The following OMD variants were observed in gnomAD, a reference collection of about 807,000 sequenced individuals.
The protein encoded by OMD is osteomodulin, also known as KSPG osteomodulin.
Under a neutral mutation model 31.2 loss-of-function variants are expected in OMD, and 19 were observed. The observed-to-expected ratio is 0.61, with a 90% CI of 0.42 to 0.89. The LOEUF is 0.89. Among genes scored for constraint, OMD ranks in the 40% least tolerant of loss-of-function variants. The probability of loss-of-function intolerance (pLI) is 0.00; values close to 1 mark genes in which losing one functional copy is unlikely to be tolerated. For synonymous variants in OMD, 155 were observed against 166.4 expected (o/e 0.93, Z 0.53); for missense variants, 448 against 490.8 (o/e 0.91, Z 0.82).
Position 92,416,878 on chromosome 9 carries a change from C to G in OMD, c.681G>C (p.Met227Ile). ...LNLCSNRLES[M>I]PPGLPSSLMY... ...TAAGTGAAGAAGGCAAACCAGGAGGCATTGATTCTAATCTGTTACTGCAGA... is the reference window on the plus strand; with the variant it reads ...TAAGTGAAGAAGGCAAACCAGGAGGGATTGATTCTAATCTGTTACTGCAGA... The change falls in exon 2 of 3, where the codon ATG becomes ATC. Residue 227 changes from methionine (M) to isoleucine (I), a missense_variant. Physicochemically the swap from Met to Ile is conservative, Grantham distance 10 (BLOSUM62 1). Transcript: ENST00000375550. The G allele has an allele frequency of 6.2e-7, 1 of 1,613,960 alleles. No individual in the cohort carries two copies. The highest frequency in any genetic ancestry group is 8.5e-7 in the Non-Finnish European group (1 of 1,179,930).
At position 92,424,322 on chromosome 9, in the gene OMD, A is replaced by G. The variant is rs540965436; in HGVS notation, c.-137T>C. The G allele has an allele frequency of 2.0e-5, 3 of 152,346 alleles. No homozygotes were observed. Among genetic ancestry groups the G allele is most frequent in the East Asian group, 3.9e-4 (2 of 5,194 alleles). 9.4% of individuals were successfully genotyped at this position (152,346 alleles called of 1,614,324 possible). ...ATCCACAGTAACTCTGTGTCCAGAC[A>G]GGGCTGTCTCTTGAATTACTGTAGC... On this transcript the variant is annotated 5_prime_UTR_variant, in exon 1 of 3. Transcript: ENST00000375550.
chr9:92,417,559 CTT>C lies in OMD; in HGVS notation c.-3_-2del. Reference sequence around the variant, plus strand: ...CATATATTGGACTTAAAAAACCCATCTTCTTTTTTTTTTTCCTATTGCAAGGA... The same window carrying C: ...CATATATTGGACTTAAAAAACCCATCCTTTTTTTTTTTCCTATTGCAAGGA... On this transcript the variant is annotated 5_prime_UTR_variant, in exon 2 of 3. Transcript: ENST00000375550. The C allele has an allele frequency of 6.5e-7, 1 of 1,544,156 alleles. No individual in the cohort carries two copies. Among genetic ancestry groups the C allele is most frequent in the Middle Eastern group, 1.7e-4 (1 of 5,776 alleles).
chr9:92,422,082 G>A (rs1005236995), intron 1 of OMD, among the ~76,000 whole-genome samples: 3 of 149,948 alleles, frequency 2.0e-5, no homozygotes, highest in Admixed American at 6.7e-5. Context: ...CAAGAGTCTC[G>A]TGCTGTCACC....
At position 92,415,262 on chromosome 9, in the gene OMD, C is replaced by T; in HGVS notation, c.1156G>A (p.Asp386Asn). 1 of 1,613,754 alleles carries T rather than the reference C, an allele frequency of 6.2e-7. No individual in the cohort carries two copies. Among genetic ancestry groups the T allele is most frequent in the Non-Finnish European group, 8.5e-7 (1 of 1,179,788 alleles). Reference protein sequence around the residue: ...KTQVFRRFPDDDDESEDHDDP... With the variant: ...KTQVFRRFPDNDDESEDHDDP... ...TCGTGATCTTCACTTTCATCATCAT[C>T]ATCTGGAAATCTCCTGAAAACTTGT... The change falls in exon 3 of 3, where the codon GAT (aspartate) becomes AAT (asparagine). Residue 386 changes from aspartate to asparagine, a missense_variant. By Grantham distance (23) the Asp-to-Asn change is conservative. Coordinates refer to ENST00000375550, the MANE Select transcript of OMD (RefSeq NM_005014.3).
intron 1 of OMD, among the ~76,000 whole-genome samples, chr9:92,418,312 C>T (rs1376249269): frequency 6.6e-6 from 1 of 151,858 alleles, no homozygotes; most frequent in Non-Finnish European, 1.5e-5. Context: ...GTCTCTAACT[C>T]CTGACCTCAG....
At chr9:92,421,187 G>A (rs550977459) in intron 1 of OMD, among the ~76,000 whole-genome samples, 3 of 152,036 alleles carry the variant, frequency 2.0e-5, no homozygotes, top group Non-Finnish European at 2.9e-5. Context: ...TTACAGATGC[G>A]TGCCACCACA....
intron 1 of OMD, among the ~76,000 whole-genome samples, chr9:92,420,763 T>C (rs1328630500): frequency 6.6e-6 from 1 of 152,228 alleles, no homozygotes; most frequent in Non-Finnish European, 1.5e-5. Context: ...TTTTGTTTTT[T>C]TTTTAACAAT....
In OMD at chr9:92,413,061, C is replaced by T. The variant is rs149441046; in HGVS notation, c.*2091G>A. 1.3e-3 allele frequency among the ~76,000 whole-genome samples: 197 copies of T among 148,436 alleles called. No homozygotes were observed. The highest frequency in any genetic ancestry group is 4.6e-3 in the African/African-American group (186 of 40,104). On this transcript the variant is annotated 3_prime_UTR_variant, in exon 3 of 3. Coordinates refer to ENST00000375550, the MANE Select transcript of OMD (RefSeq NM_005014.3). The stretch of plus-strand genomic sequence containing the variant: ...GTGCAATGGCATGGTCTTGGCTCAC[C>T]GCAACTTCTGCCTCTTGGGTTTAGG...
rs1438942728 is a variant in OMD at position 92,412,793 on chromosome 9, A to G, written c.*2359T>C. On this transcript the variant is annotated 3_prime_UTR_variant, in exon 3 of 3. Transcript: ENST00000375550. ...GGTTTCTACCTTTGGATATGGCTGAATAATATTCCATGAAATGGATATACC... is the reference window on the plus strand; with the variant it reads ...GGTTTCTACCTTTGGATATGGCTGAGTAATATTCCATGAAATGGATATACC... Among the ~76,000 whole-genome samples, 1 of 152,174 alleles carries G rather than the reference A, an allele frequency of 6.6e-6. No homozygotes were observed. Among genetic ancestry groups the G allele is most frequent in the Admixed American group, 6.5e-5 (1 of 15,276 alleles).
At chr9:92,415,634 TAAAA>T (rs1205606949) in intron 2 of OMD, among the ~76,000 whole-genome samples, 157 bp from the exon 3 acceptor site, 3 of 150,752 alleles carry the variant, frequency 2.0e-5, no homozygotes, top group Non-Finnish European at 3.0e-5. Flanking sequence ...AATCAAATAA[TAAAA>T]AGAAAATTAA....
At chr9:92,419,576 G>T (rs956711415) in intron 1 of OMD, among the ~76,000 whole-genome samples, 1 of 152,048 alleles carries the variant, frequency 6.6e-6, no homozygotes, top group South Asian at 2.1e-4. Context: ...TGGGATTACG[G>T]GCGTGAGCCA....
At chr9:92,420,759 T>A (rs1843766866) in intron 1 of OMD, among the ~76,000 whole-genome samples, 1 of 151,482 alleles carries the variant, frequency 6.6e-6, no homozygotes, top group African/African-American at 2.4e-5. Flanking sequence ...TTGTTTTTGT[T>A]TTTTTTTTAA....
chr9:92,421,839 T>C (rs1588119294), intron 1 of OMD, among the ~76,000 whole-genome samples: 1 of 152,082 alleles, frequency 6.6e-6, no homozygotes, highest in East Asian at 1.9e-4. Context: ...CAGAGGGTAA[T>C]ATCCTTTATA....
Position 92,416,913 on chromosome 9 carries a change from G to T in OMD, c.646C>A (p.Gln216Lys). The change falls in exon 2 of 3, where the codon CAG becomes AAG. Residue 216 changes from glutamine (Q) to lysine (K), a missense_variant. Transcript: ENST00000375550. Reference protein sequence around the residue: ...KIFAKMEKLMQLNLCSNRLES... With the variant: ...KIFAKMEKLMKLNLCSNRLES... Reference sequence around the variant, plus strand: ...AATCTGTTACTGCAGAGGTTGAGCTGCATTAGTTTTTCCATTTTGGCAAAG... The same window carrying T: ...AATCTGTTACTGCAGAGGTTGAGCTTCATTAGTTTTTCCATTTTGGCAAAG... 1 of 1,613,998 alleles carries T rather than the reference G, an allele frequency of 6.2e-7. No individual in the cohort carries two copies. Among genetic ancestry groups the T allele is most frequent in the Non-Finnish European group, 8.5e-7 (1 of 1,179,976 alleles).
chr9:92,416,056 G>GTATA (rs1403964887), intron 2 of OMD, among the ~76,000 whole-genome samples: 11 of 83,448 alleles, frequency 1.3e-4, no homozygotes, highest in African/African-American at 3.6e-4. Flanking sequence ...TTATATATGT[G>GTATA]TGTATATATA....
chr9:92,422,638 C>G (rs1843842655), intron 1 of OMD, among the ~76,000 whole-genome samples: 1 of 152,244 alleles, frequency 6.6e-6, no homozygotes, highest in Non-Finnish European at 1.5e-5. Context: ...GTCCTCCTCC[C>G]TCCACGTTCC....
At chr9:92,419,423 C>T (rs929432428) in intron 1 of OMD, among the ~76,000 whole-genome samples, 2 of 151,638 alleles carry the variant, frequency 1.3e-5, no homozygotes, top group African/African-American at 4.8e-5. Context: ...GCCTCAGCCT[C>T]CCCAGTAGCT....
intron 1 of OMD, among the ~76,000 whole-genome samples, chr9:92,423,424 TTAAAG>T (rs543657196): frequency 3.2e-4 from 48 of 152,284 alleles, no homozygotes; most frequent in African/African-American, 1.1e-3. Context: ...CAGGAAAAGT[TTAAAG>T]TAAAATCCTC....
chr9:92,416,784 G>A lies in OMD; in HGVS notation c.775C>T (p.Leu259Phe). 1 of 1,613,830 alleles carries A rather than the reference G, an allele frequency of 6.2e-7. No homozygotes were observed. The highest frequency in any genetic ancestry group is 8.5e-7 in the Non-Finnish European group (1 of 1,179,824). ...PEKYFDKLPK[L>F]HTLRMSHNKL... Reference sequence around the variant, plus strand: ...TTGTGTGACATTCTTAGAGTATGAAGTTTTGGAAGTTTGTCGAAGTATTTT... The same window carrying A: ...TTGTGTGACATTCTTAGAGTATGAAATTTTGGAAGTTTGTCGAAGTATTTT... Residue 259 changes from leucine to phenylalanine, a missense_variant, in exon 2 of 3, where the codon CTT (leucine) becomes TTT (phenylalanine). Physicochemically the swap from Leu to Phe is conservative, Grantham distance 22 (BLOSUM62 0). Coordinates refer to ENST00000375550, the MANE Select transcript of OMD (RefSeq NM_005014.3).
Sources: allele counts gnomAD v4.1 joint callset (sites outside exome capture counted in the v4.1 genomes callset), GRCh38; gene constraint gnomAD v4.1.1; transcripts MANE v1.5; gene names NCBI Gene and HGNC (gene_info 2026-07-23, HGNC 2026-07-21).